The following CREB5 variants were observed in gnomAD, a reference collection of about 807,000 sequenced individuals.
CREB5 encodes cyclic AMP-responsive element-binding protein 5.
Under a neutral mutation model 57.1 loss-of-function variants are expected in CREB5, and 19 were observed. The ratio of observed to expected loss-of-function variants is 0.33; its 90% CI spans 0.23 to 0.49. The LOEUF (loss-of-function observed/expected upper bound fraction) is 0.49, where lower values mean the gene tolerates loss of function less well. Among genes scored for constraint, CREB5 ranks in the 20% least tolerant of loss-of-function variants. The pLI, the probability that CREB5 is intolerant of heterozygous loss-of-function variation, is 0.99. For missense variants in CREB5, 579 were observed against 671.6 expected, an observed-to-expected ratio of 0.86 and a Z score of 1.52; for synonymous variants, 238 against 238.3, an observed-to-expected ratio of 1.00 and a Z score of 0.01.
At chr7:28,442,498 T>A (rs1414139931) in intron 1 of CREB5, among the ~76,000 whole-genome samples, 1 of 59,092 alleles carries the variant, frequency 1.7e-5, no homozygotes, top group South Asian at 5.6e-4. Context: ...TATATGGTAG[T>A]TTTTTTTGTT....
intron 1 of CREB5, among the ~76,000 whole-genome samples, chr7:28,472,090 T>TGGGATGGAA (rs1274371363): frequency 1.3e-5 from 2 of 150,894 alleles, no homozygotes; most frequent in African/African-American, 4.9e-5. Flanking sequence ...TGACATGCTT[T>TGGGATGGAA]CCATCCCAAC....
chr7:28,649,877 A>G lies in CREB5; in HGVS notation c.465-68876A>G, dbSNP rs796716046. 3.3e-5 allele frequency among the ~76,000 whole-genome samples: 5 copies of G among 152,336 alleles called. 1 individual carries two copies. The highest frequency in any genetic ancestry group is 1.2e-4 in the African/African-American group (5 of 41,584). ...AGGATTATAATACTTTCATGAAGTA[A>G]TGAGCTAAATAGTCAGTTGATTACT... On this transcript the variant is annotated intron_variant, in intron 5 of 10. Coordinates refer to ENST00000357727, the MANE Select transcript of CREB5 (RefSeq NM_182898.4).
At chr7:28,524,442 CA>C (rs953571171) in intron 4 of CREB5, among the ~76,000 whole-genome samples, 17 of 151,878 alleles carry the variant, frequency 1.1e-4, no homozygotes, top group African/African-American at 4.1e-4. Flanking sequence ...AAGTGAGCTG[CA>C]GTGAGCCGAG....
chr7:28,326,197 CTATCTATCTATCTACCTAT>C (rs1562657901), intron 1 of CREB5, among the ~76,000 whole-genome samples: 24 of 145,200 alleles, frequency 1.7e-4, no homozygotes, highest in East Asian at 5.8e-4. Context: ...ATCTATCTAT[CTATCTATCTATCTACCTAT>C]CTATCTTGAA....
chr7:28,359,152 G>GA (rs567785122), intron 1 of CREB5, among the ~76,000 whole-genome samples: 3 of 130,856 alleles, frequency 2.3e-5, no homozygotes, highest in Non-Finnish European at 5.0e-5. Flanking sequence ...AAAGAAGGAA[G>GA]AAAAAAATCC....
chr7:28,462,197 A>G (rs188630985), intron 1 of CREB5, among the ~76,000 whole-genome samples: 2 of 152,274 alleles, frequency 1.3e-5, no homozygotes, highest in East Asian at 3.9e-4. Flanking sequence ...GTGTTCTTTC[A>G]CTTAGCATAA....
intron 5 of CREB5, among the ~76,000 whole-genome samples, chr7:28,700,572 T>C (rs555493428): frequency 2.0e-5 from 3 of 152,326 alleles, no homozygotes; most frequent in East Asian, 3.9e-4. Context: ...CGAATGTTTA[T>C]TGAAGTCACA....
At chr7:28,472,340 T>C (rs539413133) in intron 1 of CREB5, among the ~76,000 whole-genome samples, 1 of 152,316 alleles carries the variant, frequency 6.6e-6, no homozygotes, top group East Asian at 1.9e-4. Flanking sequence ...CTGCACTATA[T>C]GTATATGTGT....
chr7:28,673,945 A>G (rs1467454521), intron 5 of CREB5, among the ~76,000 whole-genome samples: 1 of 152,004 alleles, frequency 6.6e-6, no homozygotes, highest in East Asian at 1.9e-4. Context: ...AAGTGCCAGA[A>G]TTACAGGTGT....
At chr7:28,762,495 A>G (rs548307098) in intron 7 of CREB5, among the ~76,000 whole-genome samples, 2 of 152,336 alleles carry the variant, frequency 1.3e-5, no homozygotes, top group Admixed American at 6.5e-5. Flanking sequence ...CTGCTACAAC[A>G]CAACTAATTC....
chr7:28,761,041 G>T (rs963071398), intron 7 of CREB5, among the ~76,000 whole-genome samples: 4 of 152,258 alleles, frequency 2.6e-5, no homozygotes, highest in African/African-American at 9.6e-5. Flanking sequence ...GCCTACATGC[G>T]CTTCCTCCGG....
At chr7:28,668,694 C>T (rs960498971) in intron 5 of CREB5, among the ~76,000 whole-genome samples, 1 of 152,050 alleles carries the variant, frequency 6.6e-6, no homozygotes. Flanking sequence ...TTGAAAGCAA[C>T]GGGGAGTATT....
intron 5 of CREB5, among the ~76,000 whole-genome samples, chr7:28,657,858 A>T (rs913484863): frequency 2.6e-5 from 4 of 152,180 alleles, no homozygotes; most frequent in Non-Finnish European, 2.9e-5. Flanking sequence ...ATTAGAGTAC[A>T]GTTATAAACT....
At chr7:28,325,417 T>C (rs1785573734) in intron 1 of CREB5, among the ~76,000 whole-genome samples, 1 of 150,154 alleles carries the variant, frequency 6.7e-6, no homozygotes, top group South Asian at 2.1e-4. Context: ...ATCGTGCCAC[T>C]GCACTCCAGC....
At chr7:28,359,392 G>A (rs947004325) in intron 1 of CREB5, among the ~76,000 whole-genome samples, 1 of 152,158 alleles carries the variant, frequency 6.6e-6, no homozygotes, top group African/African-American at 2.4e-5. Flanking sequence ...GAAATAATCT[G>A]TGTGAAAGTA....
chr7:28,771,434 C>T (rs1583706818), intron 7 of CREB5, among the ~76,000 whole-genome samples: 2 of 152,252 alleles, frequency 1.3e-5, no homozygotes, highest in African/African-American at 4.8e-5. Context: ...GATGTGGACA[C>T]GGGATTCACG....
chr7:28,527,696 C>A (rs1793506689), intron 4 of CREB5, among the ~76,000 whole-genome samples: 1 of 152,134 alleles, frequency 6.6e-6, no homozygotes, highest in Non-Finnish European at 1.5e-5. Context: ...TGGTGCATGC[C>A]TGTATTCCTA....
intron 7 of CREB5, among the ~76,000 whole-genome samples, chr7:28,781,939 T>G (rs1207541894): frequency 3.3e-5 from 5 of 151,118 alleles, no homozygotes; most frequent in Non-Finnish European, 5.9e-5. Flanking sequence ...ATGTGTGTTT[T>G]TTTTTTTTTG....
chr7:28,519,797 G>A (rs1406121105), intron 4 of CREB5, among the ~76,000 whole-genome samples: 1 of 152,178 alleles, frequency 6.6e-6, no homozygotes, highest in Non-Finnish European at 1.5e-5. Flanking sequence ...AATATTCCCA[G>A]CATTATTTTC....
Sources: gnomAD v4.1 joint callset for allele counts (sites outside exome capture counted in the v4.1 genomes callset) on GRCh38, gnomAD v4.1.1 for gene constraint, MANE v1.5 for transcripts, NCBI Gene and HGNC (gene_info 2026-07-23, HGNC 2026-07-21) for gene names.